The following ANKFN1 variants were observed in gnomAD, a reference collection of about 807,000 sequenced individuals.
The protein encoded by ANKFN1 is ankyrin repeat and fibronectin type-III domain-containing protein 1.
In ANKFN1, 74 loss-of-function variants were observed where a neutral mutation model predicts 108.7. That is an observed-to-expected ratio of 0.68 (90% CI 0.56 to 0.83). ANKFN1 has a LOEUF of 0.83. Ranked by LOEUF, ANKFN1 falls within the 40% of genes least tolerant of loss-of-function variation. The probability of loss-of-function intolerance (pLI) is 0.00; values close to 1 mark genes in which losing one functional copy is unlikely to be tolerated. For missense variants in ANKFN1, 1,505 were observed against 1,382.3 expected (o/e 1.09, Z -1.41); for synonymous variants, 547 against 516.2 (o/e 1.06, Z -0.81).
At chr17:56,458,069 A>T (rs1371608042) in intron 14 of ANKFN1, 90 bp downstream of exon 14, 4 of 1,070,540 alleles carry the variant, frequency 3.7e-6, no homozygotes, top group Non-Finnish European at 1.4e-6. Context: ...AAGGAAAAGG[A>T]TGGGCTCCCT....
chr17:56,068,764 G>A (rs1905089636), intron 4 of ANKFN1, among the ~76,000 whole-genome samples: 1 of 152,152 alleles, frequency 6.6e-6, no homozygotes. Flanking sequence ...GAGACAATGA[G>A]TTCTTTGAAG....
intron 14 of ANKFN1, among the ~76,000 whole-genome samples, chr17:56,464,852 T>G (rs938695775): frequency 6.6e-6 from 1 of 152,174 alleles, no homozygotes; most frequent in Non-Finnish European, 1.5e-5. Flanking sequence ...AATAATTTTT[T>G]CAGAAGTCCA....
chr17:56,436,659 G>A (rs1008796854), intron 8 of ANKFN1, among the ~76,000 whole-genome samples: 5 of 151,778 alleles, frequency 3.3e-5, no homozygotes, highest in Admixed American at 6.6e-5. Flanking sequence ...ATGAAACCCC[G>A]TCTCTACTAA....
intron 3 of ANKFN1, among the ~76,000 whole-genome samples, chr17:56,308,076 G>A (rs903121811): frequency 5.3e-5 from 8 of 152,096 alleles, no homozygotes; most frequent in South Asian, 2.1e-4. Flanking sequence ...ATCACACACC[G>A]GGGCCTGTTG....
chr17:56,139,325 C>T (rs1907780638), intron 4 of ANKFN1, among the ~76,000 whole-genome samples: 1 of 152,150 alleles, frequency 6.6e-6, no homozygotes, highest in African/African-American at 2.4e-5. Context: ...TAAGGGACTA[C>T]TCCCAAACAT....
At position 56,107,384 on chromosome 17, in the gene ANKFN1, T is replaced by C. The variant is rs114795835; in HGVS notation, c.288+61059T>C. On this transcript the variant is annotated intron_variant, in intron 4 of 12. Transcript: ENST00000635860. ...AGGCCAATCGCTAGACCATCATTCA[T>C]TTAATCTGGATAGTTTTTGGAGGGT... is the stretch of plus-strand genomic sequence containing the variant. Among the ~76,000 whole-genome samples the C allele has an allele frequency of 8.9e-3, 1,353 of 152,312 alleles. 17 individuals carry two copies. Among genetic ancestry groups the C allele is most frequent in the African/African-American group, 0.031 (1,302 of 41,574 alleles).
At chr17:56,086,435 G>C (rs1483372045) in intron 4 of ANKFN1, among the ~76,000 whole-genome samples, 1 of 151,336 alleles carries the variant, frequency 6.6e-6, no homozygotes, top group Non-Finnish European at 1.5e-5. Context: ...AAATCAATTT[G>C]TTATGTTTGA....
chr17:56,364,800 G>A (rs181096423), intron 6 of ANKFN1, among the ~76,000 whole-genome samples: 1 of 152,318 alleles, frequency 6.6e-6, no homozygotes, highest in East Asian at 1.9e-4. Context: ...CCATGTCTGG[G>A]TGTAATAAGT....
rs536508704 is a variant in ANKFN1 at position 56,165,305 on chromosome 17, G to A, written c.-71+11775G>A. ...TATTTCATAATCACCCATCGAGTCC[G>A]TGTTCCATGCTATTATACTTGCTAT... On this transcript the variant is annotated intron_variant, in intron 1 of 20. Transcript: ENST00000682825. 4.6e-5 allele frequency among the ~76,000 whole-genome samples: 7 copies of A among 152,016 alleles called. No individual in the cohort carries two copies. The South Asian group carries it at 6.2e-4, about 14-fold the overall frequency.
At chr17:56,191,976 G>A (rs1454126947) in intron 1 of ANKFN1, among the ~76,000 whole-genome samples, 1 of 151,294 alleles carries the variant, frequency 6.6e-6, no homozygotes, top group East Asian at 1.9e-4. Context: ...ATCTTCCATT[G>A]CTGATACCCT....
intron 15 of ANKFN1, among the ~76,000 whole-genome samples, chr17:56,469,184 G>C (rs561693263): frequency 1.3e-5 from 2 of 151,776 alleles, no homozygotes; most frequent in African/African-American, 4.8e-5. Context: ...ATTTACCCCC[G>C]CTGACTGGCA....
intron 8 of ANKFN1, among the ~76,000 whole-genome samples, chr17:56,381,929 C>G (rs2047117385): frequency 6.6e-6 from 1 of 152,018 alleles, no homozygotes; most frequent in African/African-American, 2.4e-5. Context: ...TCAGGAAATA[C>G]AGAGAACGCC....
chr17:56,081,283 T>C (rs12603258), intron 4 of ANKFN1, among the ~76,000 whole-genome samples: 84,538 of 152,062 alleles, frequency 0.56, 24,962 homozygotes, highest in Non-Finnish European at 0.68. Context: ...CCCAAGCTGG[T>C]GACTTGAAGG....
At chr17:56,394,669 C>T (rs9905477) in intron 8 of ANKFN1, among the ~76,000 whole-genome samples, 123,836 of 151,880 alleles carry the variant, frequency 0.82, 50,989 homozygotes, top group East Asian at 0.96. Context: ...GACTGGTGAG[C>T]TTCCAGTGGC....
chr17:56,271,800 C>T (rs1413427853), intron 3 of ANKFN1, among the ~76,000 whole-genome samples: 1 of 152,190 alleles, frequency 6.6e-6, no homozygotes, highest in Non-Finnish European at 1.5e-5. Context: ...GCTGGGTAAG[C>T]CAAGGCCTAC....
At chr17:56,075,337 G>A (rs766327849) in intron 4 of ANKFN1, among the ~76,000 whole-genome samples, 2 of 152,150 alleles carry the variant, frequency 1.3e-5, no homozygotes, top group South Asian at 2.1e-4. Flanking sequence ...AACAATGTAC[G>A]TGAAGTACCT....
intron 4 of ANKFN1, among the ~76,000 whole-genome samples, chr17:56,118,215 A>T (rs1327888381): frequency 1.3e-5 from 2 of 152,100 alleles, no homozygotes; most frequent in Admixed American, 6.6e-5. Flanking sequence ...TTGCGAGGTC[A>T]TATGTTTTAA....
chr17:56,272,559 T>C (rs1312699185), intron 3 of ANKFN1, among the ~76,000 whole-genome samples: 1 of 152,226 alleles, frequency 6.6e-6, no homozygotes, highest in Non-Finnish European at 1.5e-5. Flanking sequence ...TACCATATTT[T>C]GTTAATCCAT....
At chr17:56,424,790 G>A (rs1032425317) in intron 8 of ANKFN1, among the ~76,000 whole-genome samples, 21 of 152,172 alleles carry the variant, frequency 1.4e-4, no homozygotes, top group African/African-American at 5.1e-4. Context: ...TGTGGTAACA[G>A]AGTATTTCTT....
Sources: allele counts gnomAD v4.1 joint callset (sites outside exome capture counted in the v4.1 genomes callset), GRCh38; gene constraint gnomAD v4.1.1; transcripts MANE v1.5; gene names NCBI Gene and HGNC (gene_info 2026-07-23, HGNC 2026-07-21).